GMPS: variants seen among roughly 807,000 people sequenced by gnomAD.
GMPS encodes guanosine monophosphate synthase.
A neutral mutation model predicts 77.9 loss-of-function variants in GMPS; 15 were observed. The observed-to-expected ratio is 0.19, with a 90% CI of 0.13 to 0.30. The LOEUF (loss-of-function observed/expected upper bound fraction) is 0.30. Among genes scored for constraint, GMPS ranks in the 10% least tolerant of loss-of-function variants. The probability of loss-of-function intolerance (pLI) is 1.00; values close to 1 mark genes in which losing one functional copy is unlikely to be tolerated. For synonymous variants in GMPS, 224 were observed against 275.9 expected, an observed-to-expected ratio of 0.81 and a Z score of 1.86; for missense variants, 590 against 838.8, an observed-to-expected ratio of 0.70 and a Z score of 3.66.
intron 8 of GMPS, among the ~76,000 whole-genome samples, chr3:155,915,563 G>A (rs539910460): frequency 6.6e-5 from 10 of 152,166 alleles, no homozygotes; most frequent in South Asian, 4.2e-4. Context: ...CACCATGCCC[G>A]GCTAGTTTTT....
Position 155,910,693 on chromosome 3 carries a change from C to T in GMPS, c.528C>T (p.Gly176=), listed in dbSNP as rs1755016230. 6.5e-7 allele frequency: 1 copy of T among 1,528,392 alleles called. No individual in the cohort carries two copies. Among genetic ancestry groups the T allele is most frequent in the Non-Finnish European group, 8.8e-7 (1 of 1,131,314 alleles). 94.7% of individuals were successfully genotyped at this position (1,528,392 alleles called of 1,614,324 possible). A position where few individuals can be genotyped will look rare whatever the true frequency, so the allele number is the denominator to read the frequency against. Residue 176 remains glycine (G), a splice_region_variant and synonymous_variant, in exon 6 of 16, where the codon GGC becomes GGT. Coordinates refer to ENST00000496455, the MANE Select transcript of GMPS (RefSeq NM_003875.3). ...TTTGTGACTATTTTCTCTATAAAGG[C>T]ATAGCAAATGAATCTAAAAAGTTAT... ...VVARSGNIVA[G]IANESKKLYG... is the part of the protein sequence containing the mutation.
chr3:155,925,127 C>A, intron 11 of GMPS, 114 bp from the exon 12 acceptor site: 1 of 878,104 alleles, frequency 1.1e-6, no homozygotes, highest in Non-Finnish European at 1.7e-6. Context: ...CAAGGAGATA[C>A]CAAATACAAT....
rs1755949543 is a variant in GMPS, at chr3:155,943,748, T to C, written c.*6056T>C. On this transcript the variant is annotated 3_prime_UTR_variant, in exon 16 of 16. Coordinates refer to ENST00000496455, the MANE Select transcript of GMPS (RefSeq NM_003875.3). ...AAATGATGATTTACACAATTTGTCA[T>C]GAAGCTTCCGTGTTTATGAGAAATT... 6.2e-6 allele frequency: 1 copy of C among 161,588 alleles called. No homozygotes were observed. Among genetic ancestry groups the C allele is most frequent in the South Asian group, 2.0e-4 (1 of 4,908 alleles). The allele number at this position is 161,588 out of a possible 1,614,324, so 10.0% of individuals were successfully genotyped here. A position where few individuals can be genotyped will look rare whatever the true frequency, so the allele number is the denominator to read the frequency against.
At chr3:155,900,862 A>G (rs1481528082) in intron 3 of GMPS, among the ~76,000 whole-genome samples, 1 of 152,164 alleles carries the variant, frequency 6.6e-6, no homozygotes, top group Non-Finnish European at 1.5e-5. Flanking sequence ...AAGGACTGCC[A>G]CTTAGTGACT....
intron 14 of GMPS, among the ~76,000 whole-genome samples, chr3:155,935,782 A>G (rs1755751542): frequency 1.3e-5 from 2 of 152,200 alleles, no homozygotes; most frequent in African/African-American, 4.8e-5. Context: ...TCCTAAGCAC[A>G]GGAATGCTGT....
chr3:155,870,752 C>T lies in GMPS; in HGVS notation c.-119C>T. ...CTGGCGGCTGGCTCCTCTCCGCTGC[C>T]GGCTGCTCCTCGACCAGGCCTCCTT... On this transcript the variant is annotated 5_prime_UTR_variant, in exon 1 of 16. Transcript: ENST00000496455. 1 of 664,202 alleles carries T rather than the reference C, an allele frequency of 1.5e-6. No homozygotes were observed. The highest frequency in any genetic ancestry group is 3.4e-5 in the East Asian group (1 of 29,668). The allele number at this position is 664,202 out of a possible 1,614,324, so 41.1% of individuals were successfully genotyped here.
At chr3:155,884,719 C>G (rs577820980) in intron 1 of GMPS, among the ~76,000 whole-genome samples, 52 of 152,272 alleles carry the variant, frequency 3.4e-4, no homozygotes, top group Non-Finnish European at 5.3e-4. Flanking sequence ...AGATTACATA[C>G]AGTAGAACTG....
At chr3:155,914,927 C>T (rs1233926094) in intron 8 of GMPS, among the ~76,000 whole-genome samples, 1 of 151,848 alleles carries the variant, frequency 6.6e-6, no homozygotes, top group African/African-American at 2.4e-5. Context: ...CACCATCATG[C>T]CCAGCTAATT....
intron 1 of GMPS, 60 bp downstream of exon 1, chr3:155,870,957 G>A: frequency 3.6e-6 from 5 of 1,388,558 alleles, no homozygotes; most frequent in Admixed American, 3.2e-5. Flanking sequence ...CCGGACCGGG[G>A]AGCCACCCCG....
chr3:155,871,142 C>G (rs1753894730), intron 1 of GMPS, among the ~76,000 whole-genome samples: 1 of 152,042 alleles, frequency 6.6e-6, no homozygotes, highest in Admixed American at 6.5e-5. Context: ...GGCATCAGCT[C>G]CCCGCGGCCG....
chr3:155,893,737 C>A, intron 2 of GMPS, 38 bp downstream of exon 2: 1 of 1,143,286 alleles, frequency 8.7e-7, no homozygotes, highest in Non-Finnish European at 1.2e-6. Flanking sequence ...GGAGATTGAA[C>A]TTAGATTGTG....
intron 5 of GMPS, 117 bp from the exon 6 acceptor site, chr3:155,910,575 A>G: frequency 7.5e-6 from 4 of 535,994 alleles, no homozygotes; most frequent in Non-Finnish European, 6.3e-6. Flanking sequence ...TCTCAAAAAA[A>G]AAAAAAAAAA....
intron 11 of GMPS, among the ~76,000 whole-genome samples, chr3:155,922,642 C>T (rs920106898): frequency 1.3e-5 from 2 of 152,174 alleles, no homozygotes; most frequent in African/African-American, 4.8e-5. Context: ...CTGAGGACAG[C>T]TACTAATCCT....
chr3:155,910,901 T>C lies in GMPS; in HGVS notation c.720+16T>C, dbSNP rs766786655. 3 of 1,505,282 alleles carry C rather than the reference T, an allele frequency of 2.0e-6. No individual in the cohort carries two copies. The highest frequency in any genetic ancestry group is 2.7e-6 in the Non-Finnish European group (3 of 1,104,212). The allele number at this position is 1,505,282 out of a possible 1,614,324, so 93.2% of individuals were successfully genotyped here. Reference sequence around the variant, plus strand: ...AAAAGTTTTGGTAAGCAAATTATTATCTGGAAGTCTACAAATTTATATCAA... The same window carrying C: ...AAAAGTTTTGGTAAGCAAATTATTACCTGGAAGTCTACAAATTTATATCAA... On this transcript the variant is annotated intron_variant, in intron 6 of 15. Coordinates refer to ENST00000496455, the MANE Select transcript of GMPS (RefSeq NM_003875.3).
At chr3:155,878,173 T>G (rs1754104641) in intron 1 of GMPS, among the ~76,000 whole-genome samples, 1 of 152,118 alleles carries the variant, frequency 6.6e-6, no homozygotes, top group Non-Finnish European at 1.5e-5. Flanking sequence ...TATTATCACA[T>G]TGGTGATTAG....
chr3:155,893,417 C>A, intron 1 of GMPS, 101 bp from the exon 2 acceptor site: 1 of 722,536 alleles, frequency 1.4e-6, no homozygotes, highest in Non-Finnish European at 2.2e-6. Context: ...AGTTTTCATT[C>A]CTATGTGTTT....
chr3:155,872,156 T>A (rs1753922452), intron 1 of GMPS, among the ~76,000 whole-genome samples: 1 of 152,240 alleles, frequency 6.6e-6, no homozygotes. Flanking sequence ...TTTAACATTC[T>A]TTTTAAAAGG....
chr3:155,897,424 A>G (rs1324700295), intron 2 of GMPS, among the ~76,000 whole-genome samples: 2 of 152,180 alleles, frequency 1.3e-5, no homozygotes, highest in African/African-American at 4.8e-5. Context: ...GGGATGGTGG[A>G]TGCTGTAAAC....
At chr3:155,881,517 C>T (rs1754206686) in intron 1 of GMPS, among the ~76,000 whole-genome samples, 1 of 152,124 alleles carries the variant, frequency 6.6e-6, no homozygotes. Flanking sequence ...GTAGAAACAT[C>T]TTCACAAAGG....
Sources: allele counts gnomAD v4.1 joint callset (sites outside exome capture counted in the v4.1 genomes callset), GRCh38; gene constraint gnomAD v4.1.1; transcripts MANE v1.5; gene names NCBI Gene and HGNC (gene_info 2026-07-23, HGNC 2026-07-21).